Variants in CASD1 observed in about 807,000 individuals in gnomAD.
CASD1 encodes the protein N-acetylneuraminate (7)9-O-acetyltransferase.
A neutral mutation model predicts 100.0 loss-of-function variants in CASD1; 41 were observed. The ratio of observed to expected loss-of-function variants is 0.41; its 90% CI spans 0.32 to 0.53. The LOEUF (loss-of-function observed/expected upper bound fraction) is 0.53, where lower values mean the gene tolerates loss of function less well. CASD1 is among the 20% of genes least tolerant of loss of function. CASD1 has a pLI of 0.25. For synonymous variants in CASD1, 321 were observed against 315.6 expected, an observed-to-expected ratio of 1.02 and a Z score of -0.18; for missense variants, 774 against 948.7, an observed-to-expected ratio of 0.82 and a Z score of 2.42.
chr7:94,588,044 A>G, the CASD1 span: 1 of 1,366,096 alleles, frequency 7.3e-7, no homozygotes. Context: ...CTAGGAATCA[A>G]CCACTAATTA....
chr7:94,558,773 C>T (rs1796287895), downstream of CASD1, among the ~76,000 whole-genome samples: 1 of 151,916 alleles, frequency 6.6e-6, no homozygotes, highest in Admixed American at 6.6e-5. Context: ...TGACTGATTT[C>T]CAGAATAGAT....
At chr7:94,517,723 G>A (rs1794047311) in intron 2 of CASD1, 67 bp downstream of exon 2, 1 of 908,078 alleles carries the variant, frequency 1.1e-6, no homozygotes, top group South Asian at 1.5e-5. Context: ...GAGAGGGGTT[G>A]GTGAAACAGT....
At position 94,549,625 on chromosome 7, in the gene CASD1, A is replaced by G; in HGVS notation, c.1806A>G (p.Leu602=). 1 of 1,602,940 alleles carries G rather than the reference A, an allele frequency of 6.2e-7. No individual in the cohort carries two copies. The highest frequency in any genetic ancestry group is 1.3e-5 in the African/African-American group (1 of 74,482). Reference sequence around the variant, plus strand: ...ATGAATGGTGGTTCAGATGGAGGTTAGACCGTTATGTATGTATTTACTTTG... The same window carrying G: ...ATGAATGGTGGTTCAGATGGAGGTTGGACCGTTATGTATGTATTTACTTTG... ...NVYEWWFRWR[L]DRYVVFHGML... Residue 602 remains leucine, a synonymous_variant, in exon 14 of 18, where the codon TTA becomes TTG. Coordinates refer to ENST00000297273, the MANE Select transcript of CASD1 (RefSeq NM_022900.5).
the CASD1 span, among the ~76,000 whole-genome samples, chr7:94,604,653 C>T: frequency 6.6e-6 from 1 of 151,300 alleles, no homozygotes; most frequent in African/African-American, 2.4e-5. Context: ...GTTGTTATAA[C>T]TAATGGTGCT....
Position 94,528,253 on chromosome 7 carries a change from C to T in CASD1, c.459+3C>T. 6.5e-7 allele frequency: 1 copy of T among 1,547,948 alleles called. No individual in the cohort carries two copies. ...AGTGTATCAAAGTGTGGACTGAGGT[C>T]TGTATTTAAAAAACATAGGCTTTTT... On this transcript the variant is annotated splice_donor_region_variant and intron_variant, in intron 5 of 17. Transcript: ENST00000297273.
At chr7:94,599,235 CAACT>C in the CASD1 span, 5 of 327,620 alleles carry the variant, frequency 1.5e-5, no homozygotes, top group African/African-American at 4.3e-5. Flanking sequence ...CCTAAGTAAC[CAACT>C]AGTTTTCTAT....
the CASD1 span, among the ~76,000 whole-genome samples, chr7:94,609,591 C>T: frequency 6.6e-6 from 1 of 152,278 alleles, no homozygotes; most frequent in Admixed American, 6.5e-5. Context: ...AGAAGTTATA[C>T]TCGTGGTAAA....
At chr7:94,517,755 G>A (rs887128413) in intron 2 of CASD1, 99 bp downstream of exon 2, 4 of 707,314 alleles carry the variant, frequency 5.7e-6, no homozygotes, top group Non-Finnish European at 9.7e-6. Flanking sequence ...CTATGTTGGG[G>A]TAGAGACTTG....
At chr7:94,628,411 T>C in the CASD1 span, 1 of 1,468,288 alleles carries the variant, frequency 6.8e-7, no homozygotes, top group Non-Finnish European at 9.5e-7. Context: ...TCACACATGT[T>C]GCTTTGGTAG....
At chr7:94,513,518 C>T (rs1023893977) in intron 1 of CASD1, among the ~76,000 whole-genome samples, 4 of 152,116 alleles carry the variant, frequency 2.6e-5, no homozygotes, top group African/African-American at 9.7e-5. Flanking sequence ...TTTTCTCTGC[C>T]TGCAGTGACT....
chr7:94,526,630 AT>A (rs1446736397), intron 3 of CASD1, among the ~76,000 whole-genome samples: 5 of 152,082 alleles, frequency 3.3e-5, no homozygotes, highest in African/African-American at 4.8e-5. Flanking sequence ...GCTACAAAAA[AT>A]TTTTTTAAAA....
At chr7:94,617,716 A>G in the CASD1 span, 2 of 152,210 alleles carry the variant, frequency 1.3e-5, no homozygotes, top group Admixed American at 1.3e-4. Context: ...CATTGCTATA[A>G]AACAGAAGAT....
chr7:94,583,104 T>A, the CASD1 span, among the ~76,000 whole-genome samples: 1 of 152,240 alleles, frequency 6.6e-6, no homozygotes, highest in African/African-American at 2.4e-5. Flanking sequence ...ATTTGCTATG[T>A]ATGTACTTGG....
At chr7:94,543,234 A>C (rs1001412313) in intron 10 of CASD1, among the ~76,000 whole-genome samples, 3 of 152,178 alleles carry the variant, frequency 2.0e-5, no homozygotes, top group Non-Finnish European at 4.4e-5. Context: ...CCCAGAAAAA[A>C]TATCCGTCCA....
At chr7:94,527,055 T>C (rs1477451269) in intron 3 of CASD1, 107 bp from the exon 4 acceptor site, 11 of 848,798 alleles carry the variant, frequency 1.3e-5, no homozygotes, top group Admixed American at 2.2e-5. Flanking sequence ...TGCATAAAAA[T>C]ATATCAACAA....
At position 94,518,196 on chromosome 7, in the gene CASD1, C is replaced by T. The variant is rs1794075290; in HGVS notation, c.231-7C>T. The T allele has an allele frequency of 1.3e-6, 2 of 1,486,002 alleles. No individual in the cohort carries two copies. The highest frequency in any genetic ancestry group is 1.8e-6 in the Non-Finnish European group (2 of 1,120,198). 92.1% of individuals were successfully genotyped at this position (1,486,002 alleles called of 1,614,324 possible). A position where few individuals can be genotyped will look rare whatever the true frequency, so the allele number is the denominator to read the frequency against. ...TATTTTAATTAATTTTTCTTTGTTG[C>T]TTTCAGTGAAGCAAAGAACTGCCTT... On this transcript the variant is annotated splice_polypyrimidine_tract_variant and splice_region_variant and intron_variant, in intron 2 of 17. Coordinates refer to ENST00000297273, the MANE Select transcript of CASD1 (RefSeq NM_022900.5).
At chr7:94,624,173 A>C in the CASD1 span, 10 of 397,978 alleles carry the variant, frequency 2.5e-5, no homozygotes, top group African/African-American at 1.4e-4. Context: ...AAAAAAAAAA[A>C]AAAAAACAAA....
chr7:94,547,021 T>C (rs1486884107), intron 12 of CASD1, 75 bp from the exon 13 acceptor site: 2 of 865,152 alleles, frequency 2.3e-6, no homozygotes, highest in African/African-American at 1.7e-5. Flanking sequence ...CATGTACATA[T>C]ATCAAATAGA....
Position 94,509,966 on chromosome 7 carries a change from G to A in CASD1, c.-119G>A. The A allele has an allele frequency of 8.2e-7, 1 of 1,216,078 alleles. No individual in the cohort carries two copies. Among genetic ancestry groups the A allele is most frequent in the Non-Finnish European group, 1.0e-6 (1 of 969,482 alleles). 75.3% of individuals were successfully genotyped at this position (1,216,078 alleles called of 1,614,324 possible). A position where few individuals can be genotyped will look rare whatever the true frequency, so the allele number is the denominator to read the frequency against. ...GGTTCCCCGGCGGGAGGCGCAGGTG[G>A]CGGCCTGGGGAGCTGGCGGCCGCTC... On this transcript the variant is annotated 5_prime_UTR_variant, in exon 1 of 18. Transcript: ENST00000297273.
Sources: allele counts gnomAD v4.1 joint callset (sites outside exome capture counted in the v4.1 genomes callset), GRCh38; gene constraint gnomAD v4.1.1; transcripts MANE v1.5; gene names NCBI Gene and HGNC (gene_info 2026-07-23, HGNC 2026-07-21).